The following C14orf39 variants were observed in gnomAD, a reference collection of about 807,000 sequenced individuals.
C14orf39 encodes the protein protein SIX6OS1.
C14orf39 carries 66 observed loss-of-function variants against 85.6 expected under a neutral mutation model. The observed-to-expected ratio is 0.77, with a 90% confidence interval of 0.63 to 0.95. The LOEUF is 0.95. Ranked by LOEUF, C14orf39 falls within the 40% of genes least tolerant of loss-of-function variation. The pLI is 0.00. For synonymous variants in C14orf39, 242 were observed against 214.0 expected (o/e 1.13, Z -1.14); for missense variants, 735 against 663.9 (o/e 1.11, Z -1.18).
chr14:60,481,763 G>T (rs919978954), intron 4 of C14orf39, among the ~76,000 whole-genome samples: 3 of 151,702 alleles, frequency 2.0e-5, no homozygotes, highest in African/African-American at 4.8e-5. Context: ...TTTCATTTTG[G>T]TATTTACCCG....
chr14:60,461,563 A>G lies in C14orf39; in HGVS notation c.1003T>C (p.Ser335Pro), dbSNP rs762497600. ...IFNDSAVDNH[S>P]KCSHITTITS... ...ATAGTCGTAATATGTGAACATTTTG[A>G]ATGGTTATCCACAGCAGAGTCATTA... The change falls in exon 12 of 18, where the codon TCA becomes CCA. Residue 335 changes from serine to proline, a missense_variant. Coordinates refer to ENST00000321731, the MANE Select transcript of C14orf39 (RefSeq NM_174978.3). The G allele has an allele frequency of 1.3e-6, 2 of 1,584,920 alleles. No homozygotes were observed. The highest frequency in any genetic ancestry group is 1.7e-6 in the Non-Finnish European group (2 of 1,169,212).
chr14:60,469,697 TTATAA>T (rs1566671705), intron 7 of C14orf39, 44 bp from the exon 8 acceptor site: 6 of 817,496 alleles, frequency 7.3e-6, no homozygotes, highest in South Asian at 3.4e-5. Flanking sequence ...AATTTTATAT[TTATAA>T]TATATGTGCC....
chr14:60,457,058 T>G lies in C14orf39; in HGVS notation c.1217A>C (p.Asn406Thr), dbSNP rs2046421884. The stretch of plus-strand genomic sequence containing the variant: ...TCTCTCTTCTACTTCATCACTATCA[T>G]TTTCTACTGACTTCCCAAAATGTTC... ...YTEHFGKSVE[N>T]DSDEVEERAE... Residue 406 changes from asparagine to threonine, a missense_variant, in exon 15 of 18, where the codon AAT (asparagine) becomes ACT (threonine). Coordinates refer to ENST00000321731, the MANE Select transcript of C14orf39 (RefSeq NM_174978.3). The G allele has an allele frequency of 3.1e-6, 5 of 1,604,844 alleles. No individual in the cohort carries two copies. The Admixed American group carries it at 6.9e-5, about 22-fold the overall frequency.
intron 17 of C14orf39, 52 bp from the exon 18 acceptor site, chr14:60,437,099 T>G: frequency 8.0e-7 from 1 of 1,247,954 alleles, no homozygotes; most frequent in Non-Finnish European, 1.1e-6. Context: ...TATAAAATTT[T>G]TATAACCTAC....
chr14:60,466,803 G>A, intron 10 of C14orf39, 114 bp downstream of exon 10: 1 of 695,082 alleles, frequency 1.4e-6, no homozygotes. Flanking sequence ...TGAGTTTATA[G>A]GTCTCCAGTA....
At chr14:60,509,872 A>G (rs778926562) in intron 1 of C14orf39, 8 of 1,613,542 alleles carry the variant, frequency 5.0e-6, no homozygotes, top group Non-Finnish European at 6.8e-6. Flanking sequence ...CCAGCAAAAA[A>G]CGTGAGCTCG....
chr14:60,461,370 C>T lies in C14orf39; in HGVS notation c.1101G>A (p.Ser367=), dbSNP rs369820050. 3.7e-5 allele frequency: 60 copies of T among 1,610,496 alleles called. No individual in the cohort carries two copies. The East Asian group carries it at 7.8e-4, about 21-fold the overall frequency. Residue 367 remains serine (S), a synonymous_variant, in exon 13 of 18, where the codon TCG becomes TCA. Coordinates refer to ENST00000321731, the MANE Select transcript of C14orf39 (RefSeq NM_174978.3). ...PQKQSNSNQW[S]EKGDKDAEYG... The stretch of plus-strand genomic sequence containing the variant: ...GGCAAATACCTTTATCCCCTTTTTC[C>T]GACCACTGATTGGAATTTGATTGTT...
At chr14:60,499,073 T>C (rs1390955018) in intron 2 of C14orf39, among the ~76,000 whole-genome samples, 2 of 152,002 alleles carry the variant, frequency 1.3e-5, no homozygotes, top group African/African-American at 2.4e-5. Flanking sequence ...CTGGCCAACA[T>C]GGCAAAACCC....
intron 11 of C14orf39, among the ~76,000 whole-genome samples, chr14:60,462,138 C>T (rs1891562327): frequency 6.6e-6 from 1 of 152,034 alleles, no homozygotes; most frequent in Admixed American, 6.6e-5. Context: ...CTTTCAGGGA[C>T]TGAGGCCGGA....
At chr14:60,444,192 A>G (rs569918769) in intron 16 of C14orf39, among the ~76,000 whole-genome samples, 27 of 152,308 alleles carry the variant, frequency 1.8e-4, no homozygotes, top group African/African-American at 6.5e-4. Context: ...CTGGACAGAA[A>G]ATGACTTTGA....
intron 1 of C14orf39, among the ~76,000 whole-genome samples, chr14:60,505,166 A>C (rs1368279695): frequency 6.6e-6 from 1 of 152,232 alleles, no homozygotes; most frequent in African/African-American, 2.4e-5. Context: ...GAAATATACA[A>C]TTAAAGAGCC....
chr14:60,444,188 AG>A (rs1566654722), intron 16 of C14orf39, among the ~76,000 whole-genome samples: 1 of 152,242 alleles, frequency 6.6e-6, no homozygotes, highest in Non-Finnish European at 1.5e-5. Context: ...AAAACTGGAC[AG>A]AAAATGACTT....
chr14:60,477,149 G>T (rs1490248594), intron 5 of C14orf39, among the ~76,000 whole-genome samples: 1 of 152,022 alleles, frequency 6.6e-6, no homozygotes, highest in Non-Finnish European at 1.5e-5. Context: ...TAAATGACAA[G>T]ACAAGTCTCC....
At chr14:60,466,815 T>G (rs1428152116) in intron 10 of C14orf39, 102 bp downstream of exon 10, 1 of 898,344 alleles carries the variant, frequency 1.1e-6, no homozygotes, top group Non-Finnish European at 1.5e-6. Flanking sequence ...TCTCCAGTAT[T>G]GTTTTTACTT....
At chr14:60,481,653 G>C (rs1009507421) in intron 4 of C14orf39, among the ~76,000 whole-genome samples, 10 of 152,108 alleles carry the variant, frequency 6.6e-5, no homozygotes, top group Non-Finnish European at 1.2e-4. Context: ...GCAAAACTCA[G>C]AGGCAAAAAT....
chr14:60,459,619 T>G (rs1891429966), intron 13 of C14orf39, among the ~76,000 whole-genome samples: 1 of 151,764 alleles, frequency 6.6e-6, no homozygotes, highest in Non-Finnish European at 1.5e-5. Context: ...TATGGAGAAT[T>G]CCTATTGTCC....
At position 60,447,703 on chromosome 14, in the gene C14orf39, C is replaced by T. The variant is rs187347236; in HGVS notation, c.1504-5572G>A. Among the ~76,000 whole-genome samples the T allele has an allele frequency of 5.3e-5, 8 of 152,220 alleles. No homozygotes were observed. In the East Asian group the frequency reaches 1.5e-3, roughly 29 times the overall value. Reference sequence around the variant, plus strand: ...AATTGGAAAAAACTACTTTAAAGTTCATATGGAACCCAAAAAAAGCCCGCA... The same window carrying T: ...AATTGGAAAAAACTACTTTAAAGTTTATATGGAACCCAAAAAAAGCCCGCA... On this transcript the variant is annotated intron_variant, in intron 16 of 17. Transcript: ENST00000321731.
chr14:60,446,334 T>A (rs765484166), intron 16 of C14orf39, among the ~76,000 whole-genome samples: 1 of 151,396 alleles, frequency 6.6e-6, no homozygotes, highest in Non-Finnish European at 1.5e-5. Context: ...GAGAGAAGAA[T>A]CAAATAGATG....
intron 11 of C14orf39, among the ~76,000 whole-genome samples, 185 bp downstream of exon 11, chr14:60,465,794 C>A (rs1288356731): frequency 1.4e-5 from 2 of 147,548 alleles, no homozygotes; most frequent in African/African-American, 5.0e-5. Context: ...CATATTGAAA[C>A]ACCTTTAAAT....
Sources: allele counts gnomAD v4.1 joint callset (sites outside exome capture counted in the v4.1 genomes callset), GRCh38; gene constraint gnomAD v4.1.1; transcripts MANE v1.5; gene names NCBI Gene and HGNC (gene_info 2026-07-23, HGNC 2026-07-21).